The following PTPN9 variants were observed in gnomAD, a reference collection of about 807,000 sequenced individuals.
PTPN9 encodes tyrosine-protein phosphatase non-receptor type 9.
PTPN9 carries 26 observed loss-of-function variants against 69.8 expected under a neutral mutation model. That is an observed-to-expected ratio of 0.37 (90% CI 0.27 to 0.52). The LOEUF is 0.52. Ranked by LOEUF, PTPN9 falls within the 20% of genes least tolerant of loss-of-function variation. The pLI is 0.91. For missense variants in PTPN9, 549 were observed against 740.3 expected (o/e 0.74, Z 3.00); for synonymous variants, 274 against 272.5 (o/e 1.01, Z -0.05).
At chr15:75,563,941 G>A (rs575137666) in intron 1 of PTPN9, among the ~76,000 whole-genome samples, 4 of 152,116 alleles carry the variant, frequency 2.6e-5, no homozygotes, top group African/African-American at 7.2e-5. Flanking sequence ...ACATTAACAC[G>A]ATAAAGAATT....
At chr15:75,469,013 G>A in intron 12 of PTPN9, 30 bp from the exon 13 acceptor site, 3 of 1,560,722 alleles carry the variant, frequency 1.9e-6, no homozygotes, top group Non-Finnish European at 2.6e-6. Context: ...ATCACATCTG[G>A]TTTACCTCTC....
intron 1 of PTPN9, among the ~76,000 whole-genome samples, chr15:75,528,633 G>A (rs746209707): frequency 1.3e-5 from 2 of 150,856 alleles, no homozygotes; most frequent in Admixed American, 1.3e-4. Context: ...GGGCTCAAGC[G>A]ATCCTCTCAT....
At position 75,464,242 on chromosome 15, in the gene PTPN9, C is replaced by T. The variant is rs368389051; in HGVS notation, c.*4527G>A. 2.7e-5 allele frequency: 4 copies of T among 150,850 alleles called. No individual in the cohort carries two copies. The highest frequency in any genetic ancestry group is 5.9e-5 in the Non-Finnish European group (4 of 68,198). 9.3% of individuals were successfully genotyped at this position (150,850 alleles called of 1,614,324 possible). A position where few individuals can be genotyped will look rare whatever the true frequency, so the allele number is the denominator to read the frequency against. Reference sequence around the variant, plus strand: ...AGGAGGATTGCTTGAGGCTGGAGTTCGAGACCAGCCTGGGCAACATAGTGA... The same window carrying T: ...AGGAGGATTGCTTGAGGCTGGAGTTTGAGACCAGCCTGGGCAACATAGTGA... On this transcript the variant is annotated 3_prime_UTR_variant, in exon 13 of 13. Transcript: ENST00000618819.
At chr15:75,476,320 T>A (rs549897970) in intron 9 of PTPN9, among the ~76,000 whole-genome samples, 1 of 152,062 alleles carries the variant, frequency 6.6e-6, no homozygotes, top group Non-Finnish European at 1.5e-5. Flanking sequence ...AAAAGTTTAG[T>A]TTTGTTTTTT....
intron 1 of PTPN9, among the ~76,000 whole-genome samples, chr15:75,567,888 C>T (rs1188215941): frequency 2.6e-5 from 4 of 151,252 alleles, no homozygotes; most frequent in African/African-American, 9.7e-5. Context: ...CCCAGCTACT[C>T]AGGAGACTGA....
At position 75,468,948 on chromosome 15, in the gene PTPN9, G is replaced by A; in HGVS notation, c.1603C>T (p.Leu535=). The change falls in exon 13 of 13, where the codon CTG becomes TTG. Residue 535 remains leucine, a synonymous_variant. Transcript: ENST00000618819. ...FCSLDICLAQ[L]EELGTLNVFQ... ...ACATTAAGGGTGCCAAGCTCCTCCA[G>A]CTGTGCCAGGCAGATGTCCAGTGAG... is the stretch of plus-strand genomic sequence containing the variant. 6.2e-7 allele frequency: 1 copy of A among 1,614,054 alleles called. No homozygotes were observed. Among genetic ancestry groups the A allele is most frequent in the Non-Finnish European group, 8.5e-7 (1 of 1,179,886 alleles).
intron 7 of PTPN9, among the ~76,000 whole-genome samples, chr15:75,497,129 G>A (rs1341307124): frequency 6.6e-6 from 1 of 152,088 alleles, no homozygotes; most frequent in African/African-American, 2.4e-5. Flanking sequence ...TATGATGAGT[G>A]GGGAGAACTA....
At position 75,578,109 on chromosome 15, in the gene PTPN9, G is replaced by A. The variant is rs141830719; in HGVS notation, c.63+605C>T. 3.0e-3 allele frequency among the ~76,000 whole-genome samples: 464 copies of A among 152,254 alleles called. 3 individuals are homozygous for A. Among genetic ancestry groups the A allele is most frequent in the Non-Finnish European group, 5.5e-3 (374 of 68,026 alleles). Reference sequence around the variant, plus strand: ...TAGGGAAGCGCGGGTGAGGAGATGCGCCCCGTCTGGGATAGCTGAATAGGG... The same window carrying A: ...TAGGGAAGCGCGGGTGAGGAGATGCACCCCGTCTGGGATAGCTGAATAGGG... On this transcript the variant is annotated intron_variant, in intron 1 of 12. Transcript: ENST00000618819.
chr15:75,507,753 C>T (rs540297257), intron 6 of PTPN9, among the ~76,000 whole-genome samples: 3 of 149,538 alleles, frequency 2.0e-5, no homozygotes, highest in Admixed American at 1.3e-4. Context: ...GGAGACAGAG[C>T]GAGACTCCGT....
At chr15:75,497,877 C>T (rs2074751814) in intron 7 of PTPN9, among the ~76,000 whole-genome samples, 1 of 149,916 alleles carries the variant, frequency 6.7e-6, no homozygotes. Flanking sequence ...GTGGTAGGAA[C>T]ATAGTTGTCT....
chr15:75,555,273 C>T (rs796302488), intron 1 of PTPN9, among the ~76,000 whole-genome samples: 3 of 152,214 alleles, frequency 2.0e-5, no homozygotes, highest in African/African-American at 4.8e-5. Flanking sequence ...AAATTCAAGA[C>T]TTCCCTTCCT....
chr15:75,490,531 A>G (rs1567477494), intron 7 of PTPN9, among the ~76,000 whole-genome samples: 1 of 152,196 alleles, frequency 6.6e-6, no homozygotes, highest in Non-Finnish European at 1.5e-5. Context: ...GAGACCAGGC[A>G]TGGTGGCTCA....
At chr15:75,553,833 G>T (rs2075065374) in intron 1 of PTPN9, among the ~76,000 whole-genome samples, 1 of 151,944 alleles carries the variant, frequency 6.6e-6, no homozygotes, top group Non-Finnish European at 1.5e-5. Flanking sequence ...CTGGGTAACT[G>T]AATTAATCCT....
intron 8 of PTPN9, among the ~76,000 whole-genome samples, chr15:75,483,260 T>C (rs533065132): frequency 6.6e-6 from 1 of 152,352 alleles, no homozygotes; most frequent in African/African-American, 2.4e-5. Flanking sequence ...CAAAAACTTA[T>C]ACATAAATAT....
At chr15:75,577,945 C>A (rs933174790) in intron 1 of PTPN9, among the ~76,000 whole-genome samples, 32 of 152,142 alleles carry the variant, frequency 2.1e-4, no homozygotes, top group African/African-American at 7.2e-4. Flanking sequence ...CTGGAATGTG[C>A]GGGAGGGAAA....
In PTPN9 at chr15:75,465,495, C is replaced by G. The variant is rs564398729; in HGVS notation, c.*3274G>C. The stretch of plus-strand genomic sequence containing the variant: ...ATTCTGGGTTGCGTCTCTGCCTTCC[C>G]TTTCCTTTACCTCCTCCTTTAACAC... On this transcript the variant is annotated 3_prime_UTR_variant, in exon 13 of 13. Coordinates refer to ENST00000618819, the MANE Select transcript of PTPN9 (RefSeq NM_002833.4). 3.3e-5 allele frequency: 5 copies of G among 152,348 alleles called. No homozygotes were observed. The South Asian group carries it at 1.0e-3, about 32-fold the overall frequency. 9.4% of individuals were successfully genotyped at this position (152,348 alleles called of 1,614,324 possible). A position where few individuals can be genotyped will look rare whatever the true frequency, so the allele number is the denominator to read the frequency against.
At chr15:75,566,995 C>G (rs1054294883) in intron 1 of PTPN9, among the ~76,000 whole-genome samples, 4 of 151,420 alleles carry the variant, frequency 2.6e-5, no homozygotes, top group Middle Eastern at 3.4e-3. Flanking sequence ...CATTGTAGAT[C>G]ATCTAAATAG....
In PTPN9 at chr15:75,517,240, G is replaced by A. The variant is rs757316500; in HGVS notation, c.528+19C>T. ...CCCAAGCATTGAAGGAAACTTGAGA[G>A]GGCCCTCCATAGCCTTACCTTCAGC... On this transcript the variant is annotated intron_variant, in intron 5 of 12. Coordinates refer to ENST00000618819, the MANE Select transcript of PTPN9 (RefSeq NM_002833.4). 6.4e-7 allele frequency: 1 copy of A among 1,560,700 alleles called. No individual in the cohort carries two copies. The highest frequency in any genetic ancestry group is 1.2e-5 in the South Asian group (1 of 86,362).
intron 7 of PTPN9, among the ~76,000 whole-genome samples, chr15:75,505,024 G>GT (rs2074810349): frequency 6.6e-6 from 1 of 152,242 alleles, no homozygotes; most frequent in Non-Finnish European, 1.5e-5. Flanking sequence ...AGAAAGGGGG[G>GT]AAAGGTGGGG....
Sources: allele counts gnomAD v4.1 joint callset (sites outside exome capture counted in the v4.1 genomes callset), GRCh38; gene constraint gnomAD v4.1.1; transcripts MANE v1.5; gene names NCBI Gene and HGNC (gene_info 2026-07-23, HGNC 2026-07-21).